The following ZSWIM8 variants were observed in gnomAD, a reference collection of about 807,000 sequenced individuals.
The protein encoded by ZSWIM8 is zinc finger SWIM-type containing 8.
A neutral mutation model predicts 173.7 loss-of-function variants in ZSWIM8; 27 were observed. That is an observed-to-expected ratio of 0.16 (90% CI 0.11 to 0.21). The LOEUF (loss-of-function observed/expected upper bound fraction) is 0.21, where lower values mean the gene tolerates loss of function less well. Ranked by LOEUF, ZSWIM8 falls within the 10% of genes least tolerant of loss-of-function variation. The pLI is 1.00. For missense variants in ZSWIM8, 1,627 were observed against 2,428.8 expected (o/e 0.67, Z 6.94); for synonymous variants, 958 against 962.0 (o/e 1.00, Z 0.08).
rs778703928 is a variant in ZSWIM8 at position 73,793,929 on chromosome 10, C to T, written c.2510C>T (p.Ala837Val). ...GTGGCTACCAACACCCTGAGCAAGG[C>T]GGCCTTCCTGTTGACAGTGCTAAGT... ...TWVATNTLSK[A>V]AFLLTVLSER... Residue 837 changes from alanine to valine, a missense_variant, in exon 12 of 26, where the codon GCG becomes GTG. Coordinates refer to ENST00000604729, the MANE Select transcript of ZSWIM8 (RefSeq NM_001367799.1). 75 of 1,613,248 alleles carry T rather than the reference C, an allele frequency of 4.6e-5. No homozygotes were observed. The highest frequency in any genetic ancestry group is 5.8e-5 in the Non-Finnish European group (69 of 1,179,696).
In ZSWIM8 at chr10:73,800,926, C is replaced by T; in HGVS notation, c.5123-91C>T. 1.5e-6 allele frequency: 2 copies of T among 1,356,618 alleles called. No individual in the cohort carries two copies. The highest frequency in any genetic ancestry group is 2.0e-6 in the Non-Finnish European group (2 of 993,158). 84.0% of individuals were successfully genotyped at this position (1,356,618 alleles called of 1,614,324 possible). A position where few individuals can be genotyped will look rare whatever the true frequency, so the allele number is the denominator to read the frequency against. ...CCTCAGCTCCTGGGGTGGAGGGAGG[C>T]TCTCTGCCAGGCCAGAGCTGAGATC... On this transcript the variant is annotated intron_variant, in intron 24 of 25. Coordinates refer to ENST00000604729, the MANE Select transcript of ZSWIM8 (RefSeq NM_001367799.1). The surrounding 1 kb of genome is among the most constrained non-coding windows in gnomAD (Gnocchi z 4.1).
Position 73,791,309 on chromosome 10 carries a change from CTTCT to C in ZSWIM8, c.1144-12_1144-9del. ...TGAGCTCTCAGGTGCAGCTCACAGCCTTCTTTGTCTCCAGATAACAGGTTGGTGG... is the reference window on the plus strand; with the variant it reads ...TGAGCTCTCAGGTGCAGCTCACAGCCTTGTCTCCAGATAACAGGTTGGTGG... On this transcript the variant is annotated splice_polypyrimidine_tract_variant and intron_variant, in intron 8 of 25. Coordinates refer to ENST00000604729, the MANE Select transcript of ZSWIM8 (RefSeq NM_001367799.1). This position sits in a 1 kb window ranked among gnomAD's most constrained non-coding sequence, Gnocchi z 6.0. 1 of 1,594,256 alleles carries C rather than the reference CTTCT, an allele frequency of 6.3e-7. No individual in the cohort carries two copies. The highest frequency in any genetic ancestry group is 8.6e-7 in the Non-Finnish European group (1 of 1,164,426).
Position 73,800,446 on chromosome 10 carries a change from A to G in ZSWIM8, c.4976A>G (p.His1659Arg), listed in dbSNP as rs1589599448. 6.2e-7 allele frequency: 1 copy of G among 1,613,794 alleles called. No homozygotes were observed. Among genetic ancestry groups the G allele is most frequent in the Non-Finnish European group, 8.5e-7 (1 of 1,179,832 alleles). ...HSQPVNPHSL[H>R]HLHAAYRVGM... ...CAGCCAGTCAATCCCCACAGCCTGCACCACCTGCATGCTGCCTACCGTGTC... is the reference window on the plus strand; with the variant it reads ...CAGCCAGTCAATCCCCACAGCCTGCGCCACCTGCATGCTGCCTACCGTGTC... The change falls in exon 23 of 26, where the codon CAC becomes CGC. Residue 1659 changes from histidine to arginine, a missense_variant. Around this residue, in one of 18 missense-constraint regions of ZSWIM8, gnomAD observed 275 missense variants for 290.1 expected, o/e 0.95. Coordinates refer to ENST00000604729, the MANE Select transcript of ZSWIM8 (RefSeq NM_001367799.1). The surrounding 1 kb of genome is among the most constrained non-coding windows in gnomAD (Gnocchi z 4.1).
At chr10:73,788,554 C>A (rs2083303860) in intron 1 of ZSWIM8, 116 bp from the exon 2 acceptor site, 4 of 1,305,962 alleles carry the variant, frequency 3.1e-6, no homozygotes, top group Non-Finnish European at 4.1e-6. Flanking sequence ...CAGGTCTCTT[C>A]TTTCTTTCAT....
rs899471974 is a variant in ZSWIM8 at position 73,785,781 on chromosome 10, G to A, written c.-98G>A. The A allele has an allele frequency of 3.7e-6, 5 of 1,341,238 alleles. No homozygotes were observed. Among genetic ancestry groups the A allele is most frequent in the East Asian group, 6.3e-5 (2 of 31,602 alleles). 83.1% of individuals were successfully genotyped at this position (1,341,238 alleles called of 1,614,324 possible). ...AGCGCCCCGGCCACCCCCAGCCCCG[G>A]CTCGCCCCTCAGGCCCCGGGCCTCC... On this transcript the variant is annotated 5_prime_UTR_variant, in exon 1 of 26. Coordinates refer to ENST00000604729, the MANE Select transcript of ZSWIM8 (RefSeq NM_001367799.1).
In ZSWIM8 at chr10:73,789,494, A is replaced by G. The variant is rs2083339936; in HGVS notation, c.585A>G (p.Lys195=). 2 of 1,613,252 alleles carry G rather than the reference A, an allele frequency of 1.2e-6. No homozygotes were observed. Among genetic ancestry groups the G allele is most frequent in the East Asian group, 4.5e-5 (2 of 44,870 alleles). Residue 195 remains lysine, a synonymous_variant, in exon 4 of 26, where the codon AAA becomes AAG. Transcript: ENST00000604729. This position sits in a 1 kb window ranked among gnomAD's most constrained non-coding sequence, Gnocchi z 6.8. ...SCSCTCGAGA[K]WCTHVVALCL... The stretch of plus-strand genomic sequence containing the variant: ...GCTGTACCTGTGGGGCTGGGGCCAA[A>G]TGGTGCACCCACGTCGTGGCACTCT...
rs2083199547 is a variant in ZSWIM8 at position 73,785,858 on chromosome 10, GC to G, written c.-17del. ...CCCCGGATCCGCGGGGGGGGACCCG[GC>G]CCCGGGGGGTGCGGGCCCCATGGAG... On this transcript the variant is annotated 5_prime_UTR_variant, in exon 1 of 26. Transcript: ENST00000604729. The G allele has an allele frequency of 6.7e-7, 1 of 1,487,802 alleles. No homozygotes were observed. Among genetic ancestry groups the G allele is most frequent in the Non-Finnish European group, 9.0e-7 (1 of 1,115,992 alleles). The allele number at this position is 1,487,802 out of a possible 1,614,324, so 92.2% of individuals were successfully genotyped here.
Position 73,798,944 on chromosome 10 carries a change from A to G in ZSWIM8, c.4177-58A>G, listed in dbSNP as rs1009193132. 29 of 1,547,212 alleles carry G rather than the reference A, an allele frequency of 1.9e-5. No individual in the cohort carries two copies. In the African/African-American group the frequency reaches 3.8e-4, roughly 20 times the overall value. On this transcript the variant is annotated intron_variant, in intron 20 of 25. Coordinates refer to ENST00000604729, the MANE Select transcript of ZSWIM8 (RefSeq NM_001367799.1). The stretch of plus-strand genomic sequence containing the variant: ...GAGGGAGACATTGGAATCTCATCTA[A>G]CACCTTCCATGTGGTAAAGGCCTTT...
chr10:73,788,931 G>A, intron 2 of ZSWIM8, 108 bp downstream of exon 2: 3 of 1,501,308 alleles, frequency 2.0e-6, no homozygotes, highest in Middle Eastern at 2.4e-4. Context: ...GTGGTAAGAG[G>A]AAGACAAGGG....
chr10:73,786,314 C>CTG (rs1431532820), intron 1 of ZSWIM8: 120 of 507,906 alleles, frequency 2.4e-4, no homozygotes, highest in South Asian at 8.1e-4. Context: ...TTCTCCACAC[C>CTG]TGTGTGTGTG....
In ZSWIM8 at chr10:73,786,066, G is replaced by T. The variant is rs751089241; in HGVS notation, c.188G>T (p.Ser63Ile). The T allele has an allele frequency of 1.9e-6, 3 of 1,586,186 alleles. No homozygotes were observed. The highest frequency in any genetic ancestry group is 2.4e-5 in the East Asian group (1 of 42,152). The change falls in exon 1 of 26, where the codon AGT (serine) becomes ATT (isoleucine). Residue 63 changes from serine (S) to isoleucine (I), a missense_variant. Ser to Ile is a moderately radical substitution (Grantham distance 142). Transcript: ENST00000604729. ...ACTGGCGGCGGTGGCGGAGGTGGCA[G>T]TGGCGGTACCAGAATGCGAGGTGAG... Reference protein sequence around the residue: ...SPTGGGGGGGSGGTRMRDGLV... With the variant: ...SPTGGGGGGGIGGTRMRDGLV...
In ZSWIM8 at chr10:73,800,832, C is replaced by G; in HGVS notation, c.5122+73C>G. ...CCCCACCTTCCTTATCCCAGACCTCCTTCCTAGCTCTTGCTCAGAGTTGAG... is the reference window on the plus strand; with the variant it reads ...CCCCACCTTCCTTATCCCAGACCTCGTTCCTAGCTCTTGCTCAGAGTTGAG... On this transcript the variant is annotated intron_variant, in intron 24 of 25. Transcript: ENST00000604729. The surrounding 1 kb of genome is among the most constrained non-coding windows in gnomAD (Gnocchi z 4.1). 8.0e-7 allele frequency: 1 copy of G among 1,245,256 alleles called. No homozygotes were observed. The highest frequency in any genetic ancestry group is 1.1e-6 in the Non-Finnish European group (1 of 887,680). The allele number at this position is 1,245,256 out of a possible 1,614,324, so 77.1% of individuals were successfully genotyped here.
rs749361145 is a variant in ZSWIM8 at position 73,792,223 on chromosome 10, G to A, written c.1684G>A (p.Gly562Ser). 2.1e-5 allele frequency: 32 copies of A among 1,553,336 alleles called. No homozygotes were observed. The highest frequency in any genetic ancestry group is 1.7e-4 in the Middle Eastern group (1 of 5,762). Residue 562 changes from glycine to serine, a missense_variant, in exon 10 of 26, where the codon GGT becomes AGT. Coordinates refer to ENST00000604729, the MANE Select transcript of ZSWIM8 (RefSeq NM_001367799.1). This position sits in a 1 kb window ranked among gnomAD's most constrained non-coding sequence, Gnocchi z 4.3. ...TGAGGGGGTCCCCTCATCACAGCGG[G>A]GTCCCCGCCGCCTCTCAGCTGAAGG... ...LGEGVPSSQR[G>S]PRRLSAEGGD...
chr10:73,788,924 G>C, intron 2 of ZSWIM8, 101 bp downstream of exon 2: 1 of 1,520,912 alleles, frequency 6.6e-7, no homozygotes, highest in East Asian at 2.3e-5. Flanking sequence ...TGGGGCAGTG[G>C]TAAGAGGAAG....
At chr10:73,787,077 G>A (rs2083254167) in intron 1 of ZSWIM8, among the ~76,000 whole-genome samples, 1 of 152,042 alleles carries the variant, frequency 6.6e-6, no homozygotes, top group Non-Finnish European at 1.5e-5. Context: ...CTGAGTAGCT[G>A]GGATTACAGG....
intron 7 of ZSWIM8, among the ~76,000 whole-genome samples, chr10:73,790,637 T>C (rs536693806): frequency 6.6e-6 from 1 of 152,170 alleles, no homozygotes; most frequent in East Asian, 1.9e-4. Context: ...TCACCTGAGA[T>C]CAGGAGTTCG....
chr10:73,790,271 G>T lies in ZSWIM8; in HGVS notation c.920G>T (p.Gly307Val). 1 of 1,611,596 alleles carries T rather than the reference G, an allele frequency of 6.2e-7. No individual in the cohort carries two copies. The highest frequency in any genetic ancestry group is 2.2e-5 in the East Asian group (1 of 44,874). The stretch of plus-strand genomic sequence containing the variant: ...AAAAAGACACTGCACAAGTTCTGTG[G>T]CCCCTCCCCTGTGGTCTTCAGGTAA... ...NIKKTLHKFC[G>V]PSPVVFSDVN... is the part of the protein sequence containing the mutation. The change falls in exon 7 of 26, where the codon GGC becomes GTC. Residue 307 changes from glycine (G) to valine (V), a missense_variant. Coordinates refer to ENST00000604729, the MANE Select transcript of ZSWIM8 (RefSeq NM_001367799.1).
chr10:73,795,752 G>A (rs1368371990), intron 15 of ZSWIM8, 89 bp downstream of exon 15: 10 of 1,433,248 alleles, frequency 7.0e-6, no homozygotes, highest in Non-Finnish European at 9.4e-6. Flanking sequence ...GAGCCCAGGA[G>A]TTTGAGACAA....
At chr10:73,794,068 G>A (rs1416417898) in intron 12 of ZSWIM8, 24 bp downstream of exon 12, 1 of 1,611,702 alleles carries the variant, frequency 6.2e-7, no homozygotes, top group East Asian at 2.2e-5. Context: ...TCTCAGCCTT[G>A]TATTTCAGTC....
Sources: gnomAD v4.1 joint callset for allele counts (sites outside exome capture counted in the v4.1 genomes callset) on GRCh38, gnomAD v4.1.1 for gene constraint, gnomAD v4.1.1 regional missense constraint, Gnocchi (gnomAD v3.1) non-coding constraint, MANE v1.5 for transcripts, NCBI Gene and HGNC (gene_info 2026-07-23, HGNC 2026-07-21) for gene names.